GDPD5: variants seen among roughly 807,000 people sequenced by gnomAD.
GDPD5 encodes the protein glycerophosphodiester phosphodiesterase domain containing 5, also known as glycerophosphodiester phosphodiesterase 2.
GDPD5 carries 48 observed loss-of-function variants against 75.1 expected under a neutral mutation model. The ratio of observed to expected loss-of-function variants is 0.64; its 90% CI spans 0.51 to 0.81. The LOEUF (loss-of-function observed/expected upper bound fraction) is 0.81. Ranked by LOEUF, GDPD5 falls within the 40% of genes least tolerant of loss-of-function variation. The probability of loss-of-function intolerance (pLI) is 0.00; values close to 1 mark genes in which losing one functional copy is unlikely to be tolerated. For synonymous variants in GDPD5, 336 were observed against 339.0 expected, an observed-to-expected ratio of 0.99 and a Z score of 0.10; for missense variants, 706 against 822.6, an observed-to-expected ratio of 0.86 and a Z score of 1.73.
intron 3 of GDPD5, among the ~76,000 whole-genome samples, chr11:75,467,362 G>A (rs1374848509): frequency 6.6e-6 from 1 of 152,204 alleles, no homozygotes; most frequent in Non-Finnish European, 1.5e-5. Context: ...CTCCCTCAGG[G>A]CAGGGATGGC....
chr11:75,483,319 CAGGGAAAAGCAAG>C (rs1456572652), intron 2 of GDPD5, among the ~76,000 whole-genome samples: 1 of 152,186 alleles, frequency 6.6e-6, no homozygotes, highest in Admixed American at 6.5e-5. Flanking sequence ...CCTGCTTGCA[CAGGGAAAAGCAAG>C]AGTCCATGAC....
At position 75,441,697 on chromosome 11, in the gene GDPD5, T is replaced by C. The variant is rs1713319589; in HGVS notation, c.1274A>G (p.His425Arg). Residue 425 changes from histidine (H) to arginine (R), a missense_variant, in exon 13 of 17, where the codon CAC becomes CGC. Physicochemically the swap from His to Arg is conservative, Grantham distance 29 (BLOSUM62 0). Transcript: ENST00000336898. ...KEAVASLRRG[H>R]IQRLNLRYTQ... ...GTAGCGCAGGTTCAGCCGCTGGATGTGGCCTCTCCGCAGGCTGGCGACTGC... is the reference window on the plus strand; with the variant it reads ...GTAGCGCAGGTTCAGCCGCTGGATGCGGCCTCTCCGCAGGCTGGCGACTGC... 1 of 1,609,682 alleles carries C rather than the reference T, an allele frequency of 6.2e-7. No individual in the cohort carries two copies. The highest frequency in any genetic ancestry group is 8.5e-7 in the Non-Finnish European group (1 of 1,178,930).
intron 1 of GDPD5, chr11:75,508,307 A>G (rs938213623): frequency 1.1e-4 from 16 of 152,196 alleles, no homozygotes; most frequent in African/African-American, 3.6e-4. Flanking sequence ...AAAAACATCC[A>G]ATTTCTTTGC....
intron 1 of GDPD5, among the ~76,000 whole-genome samples, chr11:75,505,690 C>T (rs1950381904): frequency 6.6e-6 from 1 of 152,162 alleles, no homozygotes; most frequent in Admixed American, 6.5e-5. Context: ...GACCTTTACT[C>T]ACTTCACAGA....
intron 2 of GDPD5, among the ~76,000 whole-genome samples, chr11:75,479,025 G>C (rs1949845392): frequency 6.6e-6 from 1 of 152,320 alleles, no homozygotes; most frequent in East Asian, 1.9e-4. Flanking sequence ...AGCAAGAGGT[G>C]TCTTGAGGGT....
chr11:75,443,549 C>T (rs1424519363), intron 10 of GDPD5, among the ~76,000 whole-genome samples: 2 of 152,172 alleles, frequency 1.3e-5, no homozygotes, highest in Admixed American at 1.3e-4. Flanking sequence ...AAATCTGGAC[C>T]TACTCTCTTA....
At chr11:75,485,953 G>T (rs1950014321) in intron 2 of GDPD5, among the ~76,000 whole-genome samples, 1 of 152,194 alleles carries the variant, frequency 6.6e-6, no homozygotes, top group Non-Finnish European at 1.5e-5. Context: ...CTTCTCCTTG[G>T]CCGTGGCTGC....
intron 9 of GDPD5, 52 bp from the exon 10 acceptor site, chr11:75,444,547 TC>T (rs1592064892): frequency 7.5e-7 from 1 of 1,336,024 alleles, no homozygotes; most frequent in Non-Finnish European, 1.1e-6. Flanking sequence ...TGATGTACCC[TC>T]CCCAGCCAAT....
chr11:75,466,493 C>A (rs1356745678), intron 3 of GDPD5, among the ~76,000 whole-genome samples: 1 of 152,154 alleles, frequency 6.6e-6, no homozygotes, highest in Non-Finnish European at 1.5e-5. Flanking sequence ...GCCCGCTCCA[C>A]CCATTAGCAA....
At chr11:75,446,032 C>A (rs1300339526) in intron 9 of GDPD5, among the ~76,000 whole-genome samples, 2 of 152,192 alleles carry the variant, frequency 1.3e-5, no homozygotes, top group Non-Finnish European at 2.9e-5. Flanking sequence ...CCAGGGGAAG[C>A]AGGACTACAA....
Position 75,442,507 on chromosome 11 carries a change from G to A in GDPD5, c.1023C>T (p.Ser341=). ...HREAQNQSIC[S]LAELLELAKG... is the part of the protein sequence containing the mutation. ...TGGCCAGCTCCAGGAGCTCTGCCAG[G>A]CTGCAGATGGACTGGTTCTGGGCCT... Residue 341 remains serine (S), a synonymous_variant, in exon 12 of 17, where the codon AGC becomes AGT. Coordinates refer to ENST00000336898, the MANE Select transcript of GDPD5 (RefSeq NM_030792.8). 6.2e-7 allele frequency: 1 copy of A among 1,614,132 alleles called. No individual in the cohort carries two copies. The highest frequency in any genetic ancestry group is 8.5e-7 in the Non-Finnish European group (1 of 1,180,010).
intron 1 of GDPD5, among the ~76,000 whole-genome samples, chr11:75,491,142 C>G (rs1950100420): frequency 6.6e-6 from 1 of 152,140 alleles, no homozygotes; most frequent in Admixed American, 6.5e-5. Flanking sequence ...AAACACATAA[C>G]CAAACACACA....
At chr11:75,513,950 T>C (rs1393459053) in intron 1 of GDPD5, among the ~76,000 whole-genome samples, 2 of 152,056 alleles carry the variant, frequency 1.3e-5, no homozygotes. Flanking sequence ...CGACAGGCTG[T>C]GGGACCTCAA....
intron 14 of GDPD5, among the ~76,000 whole-genome samples, chr11:75,440,544 G>C (rs1948763524): frequency 6.6e-6 from 1 of 152,172 alleles, no homozygotes; most frequent in African/African-American, 2.4e-5. Flanking sequence ...TCTCTGAGCA[G>C]ATTTTAATTG....
chr11:75,441,658 C>A lies in GDPD5; in HGVS notation c.1313G>T (p.Arg438Leu), dbSNP rs143047897. The change falls in exon 13 of 17, where the codon CGC becomes CTC. Residue 438 changes from arginine (R) to leucine (L), a missense_variant. Arg to Leu is a moderately radical substitution (Grantham distance 102, BLOSUM62 -2). Coordinates refer to ENST00000336898, the MANE Select transcript of GDPD5 (RefSeq NM_030792.8). ...GCAGGGCAGGCACCTGAGCTCCTGG[C>A]GGGACACCTGAGTGTAGCGCAGGTT... The part of the protein sequence containing the change: ...RLNLRYTQVS[R>L]QELRDYASWN... The A allele has an allele frequency of 3.2e-6, 5 of 1,583,798 alleles. No homozygotes were observed. Among genetic ancestry groups the A allele is most frequent in the South Asian group, 1.1e-5 (1 of 88,292 alleles).
At chr11:75,483,124 C>G (rs144940187) in intron 2 of GDPD5, among the ~76,000 whole-genome samples, 1 of 152,290 alleles carries the variant, frequency 6.6e-6, no homozygotes, top group African/African-American at 2.4e-5. Flanking sequence ...ATCGATTTCT[C>G]CAAGCTACGT....
intron 3 of GDPD5, among the ~76,000 whole-genome samples, chr11:75,474,366 T>C (rs1949735925): frequency 6.6e-6 from 1 of 152,224 alleles, no homozygotes; most frequent in South Asian, 2.1e-4. Context: ...GGGGATGGCC[T>C]GAGAACAGTC....
rs368648176 is a variant in GDPD5 at position 75,497,789 on chromosome 11, G to T, written c.-144-7469C>A. 3.9e-5 allele frequency among the ~76,000 whole-genome samples: 6 copies of T among 152,180 alleles called. No homozygotes were observed. The East Asian group carries it at 7.7e-4, about 20-fold the overall frequency. ...ACCAAAGAGGGGTTAGTGGGCCAGG[G>T]CAGAGCTGATAAAGAGTAAGATGCT... On this transcript the variant is annotated intron_variant, in intron 1 of 16. Transcript: ENST00000336898.
intron 3 of GDPD5, among the ~76,000 whole-genome samples, chr11:75,466,409 G>A (rs1949516873): frequency 6.6e-6 from 1 of 152,146 alleles, no homozygotes; most frequent in South Asian, 2.1e-4. Flanking sequence ...GGCCTGGGGA[G>A]CAGCTCCACT....
Sources: allele counts gnomAD v4.1 joint callset (sites outside exome capture counted in the v4.1 genomes callset), GRCh38; gene constraint gnomAD v4.1.1; transcripts MANE v1.5; gene names NCBI Gene and HGNC (gene_info 2026-07-23, HGNC 2026-07-21).